Variants in TAF3 observed in about 807,000 individuals in gnomAD.
The protein encoded by TAF3 is transcription initiation factor TFIID subunit 3.
In TAF3, 7 loss-of-function variants were observed where a neutral mutation model predicts 80.6. The ratio of observed to expected loss-of-function variants is 0.09; its 90% CI spans 0.05 to 0.16. TAF3 has a LOEUF of 0.16. Among genes scored for constraint, TAF3 ranks in the 10% least tolerant of loss-of-function variants. The probability of loss-of-function intolerance (pLI) is 1.00; values close to 1 mark genes in which losing one functional copy is unlikely to be tolerated. For missense variants in TAF3, 921 were observed against 1,140.2 expected, an observed-to-expected ratio of 0.81 and a Z score of 2.77; for synonymous variants, 444 against 446.1, an observed-to-expected ratio of 1.00 and a Z score of 0.06.
At chr10:7,955,921 G>C (rs1446928910) in intron 2 of TAF3, among the ~76,000 whole-genome samples, 1 of 152,118 alleles carries the variant, frequency 6.6e-6, no homozygotes, top group Non-Finnish European at 1.5e-5. Flanking sequence ...TTGAAAGATA[G>C]GGATTAATAT....
chr10:7,861,114 A>G (rs1337033875), intron 2 of TAF3, among the ~76,000 whole-genome samples: 2 of 151,968 alleles, frequency 1.3e-5, no homozygotes, highest in African/African-American at 4.8e-5. Flanking sequence ...GGCACCTGCC[A>G]CTATGCCCGG....
intron 2 of TAF3, among the ~76,000 whole-genome samples, chr10:7,942,829 A>G (rs1013055464): frequency 6.6e-6 from 1 of 152,238 alleles, no homozygotes; most frequent in Non-Finnish European, 1.5e-5. Context: ...TTGGGCTCTT[A>G]ACTCTTAGAA....
intron 2 of TAF3, among the ~76,000 whole-genome samples, chr10:7,877,732 A>G (rs559916752): frequency 1.6e-4 from 24 of 149,786 alleles, no homozygotes; most frequent in Admixed American, 1.5e-3. Context: ...ATTGTGATGA[A>G]GTGACTTGGC....
At chr10:7,963,160 G>A (rs1831527052) in intron 2 of TAF3, among the ~76,000 whole-genome samples, 1 of 152,166 alleles carries the variant, frequency 6.6e-6, no homozygotes, top group Non-Finnish European at 1.5e-5. Context: ...GACATAAGTA[G>A]TATATGAATT....
chr10:7,907,674 G>T (rs971492617), intron 2 of TAF3, among the ~76,000 whole-genome samples: 1 of 152,188 alleles, frequency 6.6e-6, no homozygotes. Context: ...CTCATCCATT[G>T]CCCTGCCCAT....
intron 2 of TAF3, among the ~76,000 whole-genome samples, chr10:7,958,909 C>T (rs1407971992): frequency 2.6e-5 from 4 of 152,012 alleles, no homozygotes; most frequent in African/African-American, 7.2e-5. Flanking sequence ...CTGAGGTGGG[C>T]GGATCACAAG....
At chr10:7,840,974 C>G (rs1156772145) in intron 2 of TAF3, among the ~76,000 whole-genome samples, 1 of 152,048 alleles carries the variant, frequency 6.6e-6, no homozygotes, top group Non-Finnish European at 1.5e-5. Flanking sequence ...CTCAGCCTCC[C>G]AAGTAGCTGG....
intron 1 of TAF3, among the ~76,000 whole-genome samples, chr10:7,823,709 A>T (rs1400129446): frequency 6.8e-6 from 1 of 146,876 alleles, no homozygotes; most frequent in Non-Finnish European, 1.5e-5. Flanking sequence ...ATCTCGGCTC[A>T]CTGCAACCTC....
chr10:8,008,720 C>G (rs930399220), intron 4 of TAF3, among the ~76,000 whole-genome samples: 2 of 152,168 alleles, frequency 1.3e-5, no homozygotes, highest in African/African-American at 4.8e-5. Context: ...GTCAGGCCCC[C>G]CCGAGGACTC....
chr10:7,830,405 A>G (rs1026859611), intron 2 of TAF3, among the ~76,000 whole-genome samples: 2 of 144,854 alleles, frequency 1.4e-5, no homozygotes, highest in African/African-American at 5.1e-5. Flanking sequence ...TTTATCAGCC[A>G]AATGCGTATC....
rs1203703566 is a variant in TAF3 at position 8,016,532 on chromosome 10, T to C, written c.*1781T>C. On this transcript the variant is annotated 3_prime_UTR_variant, in exon 7 of 7. Coordinates refer to ENST00000344293, the MANE Select transcript of TAF3 (RefSeq NM_031923.4). ...TAATTTGAGATCATTCTAAATACTT[T>C]ATACAATATTTTCACATGCACAAAA... 1 of 152,128 alleles carries C rather than the reference T, an allele frequency of 6.6e-6. No individual in the cohort carries two copies. Among genetic ancestry groups the C allele is most frequent in the Non-Finnish European group, 1.5e-5 (1 of 68,032 alleles). 9.4% of individuals were successfully genotyped at this position (152,128 alleles called of 1,614,324 possible).
intron 2 of TAF3, among the ~76,000 whole-genome samples, chr10:7,873,967 A>G (rs1253845901): frequency 6.6e-6 from 1 of 152,156 alleles, no homozygotes; most frequent in Non-Finnish European, 1.5e-5. Flanking sequence ...AGGCCATTGC[A>G]GGTTTTAGTC....
At chr10:7,941,064 A>G (rs1337643761) in intron 2 of TAF3, among the ~76,000 whole-genome samples, 1 of 152,190 alleles carries the variant, frequency 6.6e-6, no homozygotes, top group Non-Finnish European at 1.5e-5. Context: ...GAAGGAAGAA[A>G]AGTCAAGGAA....
rs1433606618 is a variant in TAF3, at chr10:8,009,216, C to T, written c.2454C>T (p.Leu818=). The stretch of plus-strand genomic sequence containing the variant: ...CTGCGCCCGTGCCGCTGCCGCTGCT[C>T]GCCCAGGCCGCCGCGGGCCCTGCCC... ...VSPAPVPLPL[L]AQAAAGPALL... Residue 818 remains leucine, a synonymous_variant, in exon 5 of 7, where the codon CTC becomes CTT. Coordinates refer to ENST00000344293, the MANE Select transcript of TAF3 (RefSeq NM_031923.4). This position sits in a 1 kb window ranked among gnomAD's most constrained non-coding sequence, Gnocchi z 4.1. 2.1e-6 allele frequency: 3 copies of T among 1,451,858 alleles called. No homozygotes were observed. Among genetic ancestry groups the T allele is most frequent in the South Asian group, 1.3e-5 (1 of 77,086 alleles). 89.9% of individuals were successfully genotyped at this position (1,451,858 alleles called of 1,614,324 possible).
At chr10:7,999,360 G>T in intron 4 of TAF3, among the ~76,000 whole-genome samples, 1 of 151,372 alleles carries the variant, frequency 6.6e-6, no homozygotes, top group African/African-American at 2.4e-5. Context: ...AGCAACTATG[G>T]GCAATGTATT....
intron 1 of TAF3, 126 bp from the exon 2 acceptor site, chr10:7,824,192 T>G: frequency 1.8e-6 from 2 of 1,096,314 alleles, no homozygotes; most frequent in Non-Finnish European, 2.6e-6. Context: ...ATTAAATTCT[T>G]TCCAATAACT....
intron 2 of TAF3, among the ~76,000 whole-genome samples, chr10:7,960,391 G>T (rs1172358262): frequency 4.6e-5 from 7 of 152,174 alleles, no homozygotes; most frequent in Non-Finnish European, 1.0e-4. Flanking sequence ...TAAAGAGCTG[G>T]ATAGTAAATA....
At chr10:7,903,655 GA>G (rs1160352705) in intron 2 of TAF3, among the ~76,000 whole-genome samples, 2 of 152,182 alleles carry the variant, frequency 1.3e-5, no homozygotes, top group African/African-American at 4.8e-5. Flanking sequence ...TGAAAAATTA[GA>G]ATTATAGAAG....
intron 2 of TAF3, among the ~76,000 whole-genome samples, chr10:7,901,542 T>G (rs536438415): frequency 2.0e-5 from 3 of 152,368 alleles, no homozygotes; most frequent in Admixed American, 2.0e-4. Context: ...GTATTATGTG[T>G]GGCTGTTTAG....
Sources: allele counts gnomAD v4.1 joint callset (sites outside exome capture counted in the v4.1 genomes callset), GRCh38; gene constraint gnomAD v4.1.1; non-coding constraint Gnocchi (gnomAD v3.1); transcripts MANE v1.5; gene names NCBI Gene and HGNC (gene_info 2026-07-23, HGNC 2026-07-21).